The following CCDC7 variants were observed in gnomAD, a reference collection of about 807,000 sequenced individuals.
CCDC7 encodes the protein coiled-coil domain-containing protein 7.
CCDC7 carries 183 observed loss-of-function variants against 196.9 expected under a neutral mutation model. The observed-to-expected ratio is 0.93, with a 90% CI of 0.82 to 1.05. The LOEUF (loss-of-function observed/expected upper bound fraction) is 1.05, where lower values mean the gene tolerates loss of function less well. CCDC7 is among the 50% of genes least tolerant of loss of function. CCDC7 has a pLI of 0.00. For missense variants in CCDC7, 1,540 were observed against 1,482.2 expected (o/e 1.04, Z -0.64); for synonymous variants, 525 against 484.6 (o/e 1.08, Z -1.10).
chr10:32,726,591 T>C (rs1592093707), intron 25 of CCDC7, 143 bp from the exon 27 acceptor site: 1 of 475,926 alleles, frequency 2.1e-6, no homozygotes, highest in Admixed American at 4.0e-5. Flanking sequence ...ATTTAAATTA[T>C]GGTGATTTAC....
At chr10:32,508,163 T>C (rs747903872) in intron 9 of CCDC7, among the ~76,000 whole-genome samples, 17 of 152,260 alleles carry the variant, frequency 1.1e-4, no homozygotes, top group Admixed American at 7.2e-4. Context: ...AAATATAGAA[T>C]GGTGCCACTC....
intron 41 of CCDC7, among the ~76,000 whole-genome samples, chr10:32,871,081 C>T (rs2094411132): frequency 6.6e-6 from 1 of 152,040 alleles, no homozygotes; most frequent in African/African-American, 2.4e-5. Context: ...TGTGTCTCTG[C>T]CAGGCTTTGG....
At position 32,824,977 on chromosome 10, in the gene CCDC7, C is replaced by T. The variant is rs182900658; in HGVS notation, c.3268+373C>T. Among the ~76,000 whole-genome samples, 11 of 152,306 alleles carry T rather than the reference C, an allele frequency of 7.2e-5. No individual in the cohort carries two copies. The East Asian group carries it at 1.3e-3, about 19-fold the overall frequency. On this transcript the variant is annotated intron_variant, in intron 32 of 41. Transcript: ENST00000639629. ...TGAATATAACTGATAATGATTTCATCGGTTACCCATTCCCTCTCATATCGT... is the reference window on the plus strand; with the variant it reads ...TGAATATAACTGATAATGATTTCATTGGTTACCCATTCCCTCTCATATCGT...
At chr10:32,779,221 A>T (rs1351836446) in intron 29 of CCDC7, 137 bp downstream of exon 30, 1 of 596,270 alleles carries the variant, frequency 1.7e-6, no homozygotes, top group African/African-American at 1.9e-5. Flanking sequence ...CTACTCAATC[A>T]ATCTACATGT....
At chr10:32,639,494 A>G (rs2066307079) in intron 20 of CCDC7, among the ~76,000 whole-genome samples, 1 of 151,880 alleles carries the variant, frequency 6.6e-6, no homozygotes, top group Admixed American at 6.6e-5. Flanking sequence ...TCATTTCGTT[A>G]TGTACCCAGT....
At chr10:32,586,804 A>G (rs762504112) in intron 18 of CCDC7, among the ~76,000 whole-genome samples, 2 of 152,126 alleles carry the variant, frequency 1.3e-5, no homozygotes, top group Non-Finnish European at 2.9e-5. Context: ...GAAGTCAGGT[A>G]GTGTGATGCC....
intron 28 of CCDC7, among the ~76,000 whole-genome samples, chr10:32,778,438 A>G (rs980716937): frequency 4.6e-5 from 7 of 152,064 alleles, no homozygotes; most frequent in Non-Finnish European, 8.8e-5. Context: ...TTATTGAGTA[A>G]GGAGTCCCTA....
intron 24 of CCDC7, among the ~76,000 whole-genome samples, chr10:32,707,082 G>C (rs560581160): frequency 1.3e-5 from 2 of 152,296 alleles, no homozygotes; most frequent in East Asian, 3.9e-4. Flanking sequence ...TAAAATACTA[G>C]CAAACAGAAT....
chr10:32,623,795 A>AG, intron 18 of CCDC7: 1 of 470,334 alleles, frequency 2.1e-6, no homozygotes, highest in South Asian at 1.6e-5. Context: ...AGGAAGGTGA[A>AG]GTGGGAGCAG....
intron 33 of CCDC7, 117 bp downstream of exon 34, chr10:32,835,015 A>T: frequency 2.0e-6 from 1 of 491,584 alleles, no homozygotes; most frequent in South Asian, 2.6e-5. Flanking sequence ...TATCTTCATG[A>T]ATTTCCTCCT....
chr10:32,633,730 GTATA>G (rs1209853817), intron 18 of CCDC7, among the ~76,000 whole-genome samples: 1 of 97,848 alleles, frequency 1.0e-5, no homozygotes, highest in African/African-American at 3.5e-5. Flanking sequence ...GTGTGTGTGT[GTATA>G]TATATGTGTG....
At chr10:32,736,992 T>C (rs1450654242) in intron 28 of CCDC7, among the ~76,000 whole-genome samples, 2 of 152,120 alleles carry the variant, frequency 1.3e-5, no homozygotes, top group Admixed American at 1.3e-4. Flanking sequence ...TAGGTATTTG[T>C]TTTTTGCAGA....
At chr10:32,691,680 G>A (rs1565158124) in intron 23 of CCDC7, among the ~76,000 whole-genome samples, 1 of 152,104 alleles carries the variant, frequency 6.6e-6, no homozygotes, top group Non-Finnish European at 1.5e-5. Context: ...TGGCTCAAGG[G>A]CCATTACAGC....
At chr10:32,527,519 G>C (rs545045195) in intron 11 of CCDC7, among the ~76,000 whole-genome samples, 1 of 152,060 alleles carries the variant, frequency 6.6e-6, no homozygotes, top group Non-Finnish European at 1.5e-5. Flanking sequence ...GTCTCAGCCC[G>C]TGCACATCAT....
chr10:32,528,650 GTA>G (rs35667060), intron 11 of CCDC7, among the ~76,000 whole-genome samples: 4 of 133,286 alleles, frequency 3.0e-5, no homozygotes, highest in African/African-American at 1.2e-4. Context: ...GTGTGTGTGT[GTA>G]TATATATATA....
intron 21 of CCDC7, among the ~76,000 whole-genome samples, chr10:32,675,025 T>G (rs1004789627): frequency 6.6e-6 from 1 of 152,128 alleles, no homozygotes; most frequent in Non-Finnish European, 1.5e-5. Context: ...TAGCATATAG[T>G]GGATCTTGCT....
chr10:32,823,651 C>G (rs1430677580), intron 31 of CCDC7, among the ~76,000 whole-genome samples: 1 of 152,102 alleles, frequency 6.6e-6, no homozygotes, highest in Non-Finnish European at 1.5e-5. Context: ...CCAACTTTGA[C>G]ACAAAAAACT....
chr10:32,880,528 G>A (rs1050932222), downstream of CCDC7, among the ~76,000 whole-genome samples: 6 of 152,100 alleles, frequency 3.9e-5, no homozygotes, highest in Non-Finnish European at 7.3e-5. Flanking sequence ...CTTTTGCTGT[G>A]CAGAAGCTCC....
chr10:32,463,029 C>G, exon 5 of CCDC7: 1 of 1,613,388 alleles, frequency 6.2e-7, no homozygotes, highest in Non-Finnish European at 8.5e-7. Context: ...GTTTCAGTGG[C>G]AGGTCAATCA....
Sources: allele counts gnomAD v4.1 joint callset (sites outside exome capture counted in the v4.1 genomes callset), GRCh38; gene constraint gnomAD v4.1.1; transcripts MANE v1.5; gene names NCBI Gene and HGNC (gene_info 2026-07-23, HGNC 2026-07-21).